Variants in SLC35A5 observed in about 807,000 individuals in gnomAD.
SLC35A5 encodes the protein UDP-sugar transporter protein SLC35A5.
A neutral mutation model predicts 36.3 loss-of-function variants in SLC35A5; 28 were observed. That is an observed-to-expected ratio of 0.77 (90% confidence interval 0.57 to 1.06). SLC35A5 has a LOEUF of 1.06. Ranked by LOEUF, SLC35A5 falls within the 50% of genes least tolerant of loss-of-function variation. The probability of loss-of-function intolerance (pLI) is 0.00; values close to 1 mark genes in which losing one functional copy is unlikely to be tolerated. For missense variants in SLC35A5, 521 were observed against 499.3 expected, an observed-to-expected ratio of 1.04 and a Z score of -0.41; for synonymous variants, 180 against 173.7, an observed-to-expected ratio of 1.04 and a Z score of -0.29.
At chr3:112,563,625 A>T (rs1934053803) in intron 2 of SLC35A5, 92 bp downstream of exon 2, 2 of 1,270,922 alleles carry the variant, frequency 1.6e-6, no homozygotes, top group Admixed American at 2.8e-5. Context: ...ACATGGAAAT[A>T]ATAATGCCTT....
chr3:112,569,391 C>A lies in SLC35A5; in HGVS notation c.229+122C>A, dbSNP rs1576748313. 5.5e-6 allele frequency: 4 copies of A among 732,486 alleles called. No homozygotes were observed. In the East Asian group the frequency reaches 7.7e-5, roughly 14 times the overall value. 45.4% of individuals were successfully genotyped at this position (732,486 alleles called of 1,614,324 possible). ...AATTTTATATGAGGAAGCTAAGATA[C>A]AAACATAAGTATGTTTTAGAGGTGG... On this transcript the variant is annotated intron_variant, in intron 3 of 6. Coordinates refer to ENST00000492406, the MANE Select transcript of SLC35A5 (RefSeq NM_017945.5).
chr3:112,569,630 T>G (rs1215462037), intron 3 of SLC35A5, among the ~76,000 whole-genome samples: 2 of 152,238 alleles, frequency 1.3e-5, no homozygotes, highest in African/African-American at 4.8e-5. Flanking sequence ...AGTTCCCATT[T>G]CCTGCAGGGA....
At chr3:112,564,499 TACAATCGGGTTTTACTCCG>T (rs1237429578) in intron 2 of SLC35A5, 1 of 152,278 alleles carries the variant, frequency 6.6e-6, no homozygotes, top group East Asian at 1.9e-4. Context: ...AGATGGAATA[TACAATCGGGTTTTACTCCG>T]AGACATTCCA....
At chr3:112,569,628 T>C (rs1934351268) in intron 3 of SLC35A5, among the ~76,000 whole-genome samples, 1 of 152,254 alleles carries the variant, frequency 6.6e-6, no homozygotes, top group Non-Finnish European at 1.5e-5. Context: ...ATAGTTCCCA[T>C]TTCCTGCAGG....
chr3:112,573,396 A>G lies in SLC35A5; in HGVS notation c.361-493A>G, dbSNP rs1934534813. Among the ~76,000 whole-genome samples the G allele has an allele frequency of 2.6e-5, 4 of 152,240 alleles. No homozygotes were observed. In the South Asian group the frequency reaches 6.2e-4, roughly 24 times the overall value. On this transcript the variant is annotated intron_variant, in intron 4 of 6. Coordinates refer to ENST00000492406, the MANE Select transcript of SLC35A5 (RefSeq NM_017945.5). ...CTTGAATCAGTGCGCAGGGCTGTCA[A>G]GTATGAGTTTGGTATTGAGTTACTG...
In SLC35A5 at chr3:112,581,281, A is replaced by G; in HGVS notation, c.1164A>G (p.Glu388=). 6.2e-7 allele frequency: 1 copy of G among 1,613,188 alleles called. No homozygotes were observed. The change falls in exon 6 of 7, where the codon GAA becomes GAG. Residue 388 remains glutamate, a synonymous_variant. Transcript: ENST00000492406. ...PQVPEYAPRQ[E]RIRDLSGNLW... is the part of the protein sequence containing the mutation. ...TTCCGGAATACGCACCTAGGCAAGAAAGGATCCGAGATCTAAGTGGCAATC... is the reference window on the plus strand; with the variant it reads ...TTCCGGAATACGCACCTAGGCAAGAGAGGATCCGAGATCTAAGTGGCAATC...
At chr3:112,571,952 T>G (rs6773946) in intron 4 of SLC35A5, among the ~76,000 whole-genome samples, 1 of 45,658 alleles carries the variant, frequency 2.2e-5, no homozygotes, top group Non-Finnish European at 4.5e-5. Flanking sequence ...TTTTTTTTTT[T>G]TGAGACGGAG....
chr3:112,565,022 T>TA (rs1934131966), intron 2 of SLC35A5, among the ~76,000 whole-genome samples: 2 of 152,322 alleles, frequency 1.3e-5, no homozygotes, highest in South Asian at 4.1e-4. Context: ...TGAGGACACA[T>TA]ACAATCATGA....
chr3:112,578,419 G>A (rs900629933), intron 5 of SLC35A5, among the ~76,000 whole-genome samples: 1 of 152,186 alleles, frequency 6.6e-6, no homozygotes, highest in Non-Finnish European at 1.5e-5. Context: ...GAGGCCCTCA[G>A]GAAGAGTAGC....
chr3:112,564,408 A>G (rs1934093955), intron 2 of SLC35A5: 1 of 152,242 alleles, frequency 6.6e-6, no homozygotes, highest in Non-Finnish European at 1.5e-5. Flanking sequence ...TATACACATA[A>G]ACATTTCAAT....
chr3:112,568,428 G>T (rs1454010326), intron 2 of SLC35A5, among the ~76,000 whole-genome samples: 2 of 152,214 alleles, frequency 1.3e-5, no homozygotes, highest in Admixed American at 1.3e-4. Context: ...CGAGTTGTTT[G>T]TAAGCATTTA....
At chr3:112,577,877 GCTA>G (rs1002741535) in intron 5 of SLC35A5, among the ~76,000 whole-genome samples, 20 of 152,062 alleles carry the variant, frequency 1.3e-4, no homozygotes, top group Non-Finnish European at 2.2e-4. Context: ...CTCTCTTTGT[GCTA>G]CTAAGAAATG....
intron 2 of SLC35A5, among the ~76,000 whole-genome samples, chr3:112,564,890 C>T (rs1361659287): frequency 6.6e-6 from 1 of 152,212 alleles, no homozygotes; most frequent in East Asian, 1.9e-4. Context: ...TGACACAGCA[C>T]CTGTTTCAGG....
chr3:112,569,303 T>A (rs767675372), intron 3 of SLC35A5, 34 bp downstream of exon 3: 1 of 1,520,706 alleles, frequency 6.6e-7, no homozygotes, highest in Admixed American at 1.8e-5. Flanking sequence ...TACTTGTTAA[T>A]CATAGGACCA....
intron 2 of SLC35A5, 23 bp downstream of exon 2, chr3:112,563,556 C>A: frequency 6.4e-7 from 1 of 1,563,114 alleles, no homozygotes; most frequent in Non-Finnish European, 8.7e-7. Context: ...TTGGTATATG[C>A]ATGGAGCACT....
Position 112,581,191 on chromosome 3 carries a change from A to T in SLC35A5, c.1074A>T (p.Glu358Asp), listed in dbSNP as rs1324901030. Residue 358 changes from glutamate to aspartate, a missense_variant, in exon 6 of 7, where the codon GAA (glutamate) becomes GAT (aspartate). By Grantham distance (45) the Glu-to-Asp change is conservative. Transcript: ENST00000492406. ...VLVFDFRPSL[E>D]FFLEAPSVLL... ...TCTTTGACTTCAGGCCCTCCCTGGA[A>T]TTTTTCTTGGAAGCCCCATCAGTCC... The T allele has an allele frequency of 6.2e-7, 1 of 1,613,780 alleles. No individual in the cohort carries two copies.
At chr3:112,578,787 T>C (rs956418300) in intron 5 of SLC35A5, among the ~76,000 whole-genome samples, 1 of 152,132 alleles carries the variant, frequency 6.6e-6, no homozygotes. Flanking sequence ...TAGAAAACTT[T>C]TAAAGGAACT....
chr3:112,577,478 A>C (rs943630971), intron 5 of SLC35A5, among the ~76,000 whole-genome samples: 1 of 152,258 alleles, frequency 6.6e-6, no homozygotes, highest in Admixed American at 6.5e-5. Context: ...GGTAGCAGGC[A>C]TTATGCCTTG....
At position 112,572,965 on chromosome 3, in the gene SLC35A5, GA is replaced by G. The variant is rs147676293; in HGVS notation, c.361-920del. 3.9e-5 allele frequency among the ~76,000 whole-genome samples: 6 copies of G among 152,252 alleles called. No individual in the cohort carries two copies. The East Asian group carries it at 1.2e-3, about 29-fold the overall frequency. ...ATTTGCCTACAGAGAAGTACACTGAGAAAACCTTAAAATGGTGGTTCCCATA... is the reference window on the plus strand; with the variant it reads ...ATTTGCCTACAGAGAAGTACACTGAGAAACCTTAAAATGGTGGTTCCCATA... On this transcript the variant is annotated intron_variant, in intron 4 of 6. Coordinates refer to ENST00000492406, the MANE Select transcript of SLC35A5 (RefSeq NM_017945.5).
Sources: gnomAD v4.1 joint callset for allele counts (sites outside exome capture counted in the v4.1 genomes callset) on GRCh38, gnomAD v4.1.1 for gene constraint, MANE v1.5 for transcripts, NCBI Gene and HGNC (gene_info 2026-07-23, HGNC 2026-07-21) for gene names.